Variants in THSD4 observed in about 807,000 individuals in gnomAD.
THSD4 encodes the protein thrombospondin type-1 domain-containing protein 4.
THSD4 carries 69 observed loss-of-function variants against 119.0 expected under a neutral mutation model. The ratio of observed to expected loss-of-function variants is 0.58; its 90% confidence interval spans 0.48 to 0.71. The LOEUF (loss-of-function observed/expected upper bound fraction) is 0.71, where lower values mean the gene tolerates loss of function less well. THSD4 is among the 30% of genes least tolerant of loss of function. The pLI is 0.00. For missense variants in THSD4, 1,393 were observed against 1,391.1 expected (o/e 1.00, Z -0.02); for synonymous variants, 524 against 540.4 (o/e 0.97, Z 0.42).
intron 1 of THSD4, among the ~76,000 whole-genome samples, chr15:71,118,499 A>T: frequency 6.6e-6 from 1 of 151,776 alleles, no homozygotes; most frequent in Admixed American, 6.6e-5. Flanking sequence ...CTCCCCAGCC[A>T]CTCTGAGGTT....
intron 6 of THSD4, among the ~76,000 whole-genome samples, chr15:71,406,643 GGTGTGTGTGTGTGTGTGTGTGT>G (rs56347233): frequency 2.3e-4 from 29 of 126,264 alleles, no homozygotes; most frequent in East Asian, 2.0e-3. Flanking sequence ...AGGTTTGTTT[GGTGTGTGTGTGTGTGTGTGTGT>G]GTGTGTGTGT....
At chr15:71,422,440 A>T (rs1473667351) in intron 7 of THSD4, among the ~76,000 whole-genome samples, 1 of 152,198 alleles carries the variant, frequency 6.6e-6, no homozygotes, top group Non-Finnish European at 1.5e-5. Context: ...TTGCAGACTC[A>T]TAGAGGTGCC....
At chr15:71,502,981 G>A (rs2048134122) in intron 7 of THSD4, among the ~76,000 whole-genome samples, 1 of 152,218 alleles carries the variant, frequency 6.6e-6, no homozygotes, top group African/African-American at 2.4e-5. Flanking sequence ...ATTATATAGT[G>A]TAAGTTGAAT....
chr15:71,420,130 A>G lies in THSD4; in HGVS notation c.1152+8307A>G, dbSNP rs1417195024. On this transcript the variant is annotated intron_variant, in intron 7 of 17. Transcript: ENST00000261862. The stretch of plus-strand genomic sequence containing the variant: ...TCTGTCTCTTTTTTTTAGTTTTAGT[A>G]CTATTTGCTTTATATATCTGGGTAC... 2.8e-5 allele frequency among the ~76,000 whole-genome samples: 3 copies of G among 107,398 alleles called. 1 individual carries two copies. Among genetic ancestry groups the G allele is most frequent in the African/African-American group, 9.5e-5 (3 of 31,514 alleles). 70.5% of individuals were successfully genotyped at this position (107,398 alleles called of 152,430 possible).
intron 1 of THSD4, among the ~76,000 whole-genome samples, chr15:71,104,072 T>G (rs2040264205): frequency 6.6e-6 from 1 of 152,218 alleles, no homozygotes; most frequent in African/African-American, 2.4e-5. Context: ...GGATTTATAG[T>G]TACATTTAGT....
At chr15:71,406,766 G>A (rs903537565) in intron 6 of THSD4, among the ~76,000 whole-genome samples, 1 of 150,210 alleles carries the variant, frequency 6.7e-6, no homozygotes, top group Non-Finnish European at 1.5e-5. Flanking sequence ...TGCAACCTCC[G>A]CCTCCCGAGT....
intron 7 of THSD4, among the ~76,000 whole-genome samples, chr15:71,611,316 G>T (rs1266302061): frequency 6.6e-6 from 1 of 152,170 alleles, no homozygotes; most frequent in Non-Finnish European, 1.5e-5. Flanking sequence ...AGGGTCTTGA[G>T]TGTTTCATTG....
intron 1 of THSD4, among the ~76,000 whole-genome samples, chr15:71,124,736 T>C (rs2141356062): frequency 6.6e-6 from 1 of 152,346 alleles, no homozygotes; most frequent in African/African-American, 2.4e-5. Flanking sequence ...TGTCATTCTA[T>C]TTCGTGACTT....
At chr15:71,387,619 C>T (rs542672297) in intron 6 of THSD4, among the ~76,000 whole-genome samples, 4 of 152,218 alleles carry the variant, frequency 2.6e-5, no homozygotes, top group East Asian at 3.9e-4. Flanking sequence ...CTTACTTTCC[C>T]AAAAGCTGTA....
intron 6 of THSD4, among the ~76,000 whole-genome samples, chr15:71,351,577 CA>C (rs2045744149): frequency 6.6e-6 from 1 of 152,188 alleles, no homozygotes; most frequent in African/African-American, 2.4e-5. Context: ...TTTATAACTT[CA>C]AAATATCAAA....
chr15:71,315,655 G>A (rs60015228), intron 6 of THSD4, among the ~76,000 whole-genome samples: 2,291 of 152,238 alleles, frequency 0.015, 51 homozygotes, highest in African/African-American at 0.052. Context: ...CTGAGGTGGC[G>A]GCGGGGAGGC....
chr15:71,372,001 C>G lies in THSD4; in HGVS notation c.1016-39686C>G, dbSNP rs150957437. Among the ~76,000 whole-genome samples, 22 of 152,062 alleles carry G rather than the reference C, an allele frequency of 1.4e-4. No homozygotes were observed. The East Asian group carries it at 4.2e-3, about 29-fold the overall frequency. ...TTCTTTTTACTCTTTTTTCTCTAAACTTCTCTTCTCGCTTCATTTCATTCA... is the reference window on the plus strand; with the variant it reads ...TTCTTTTTACTCTTTTTTCTCTAAAGTTCTCTTCTCGCTTCATTTCATTCA... On this transcript the variant is annotated intron_variant, in intron 6 of 17. Transcript: ENST00000261862.
At chr15:71,129,215 C>T (rs1008231888) in intron 1 of THSD4, among the ~76,000 whole-genome samples, 1 of 152,162 alleles carries the variant, frequency 6.6e-6, no homozygotes, top group Non-Finnish European at 1.5e-5. Context: ...GGAGGAAACT[C>T]GAAGTACAGG....
chr15:71,645,792 A>G (rs1462375770), intron 7 of THSD4, among the ~76,000 whole-genome samples: 5 of 152,234 alleles, frequency 3.3e-5, no homozygotes, highest in Non-Finnish European at 7.3e-5. Context: ...TGGATAAGAG[A>G]GAACTCAAAG....
chr15:71,464,132 C>T lies in THSD4; in HGVS notation c.1152+52309C>T, dbSNP rs112607572. 3.6e-3 allele frequency among the ~76,000 whole-genome samples: 548 copies of T among 152,330 alleles called. 4 individuals are homozygous for T. The highest frequency in any genetic ancestry group is 0.012 in the African/African-American group (487 of 41,576). ...TTAGCCATTTGTTTTGGCTCCATGCCATGCTTGTTTATCCCATTTTGGTTT... is the reference window on the plus strand; with the variant it reads ...TTAGCCATTTGTTTTGGCTCCATGCTATGCTTGTTTATCCCATTTTGGTTT... On this transcript the variant is annotated intron_variant, in intron 7 of 17. Coordinates refer to ENST00000261862, the MANE Select transcript of THSD4 (RefSeq NM_024817.3).
chr15:71,595,439 C>G (rs1353719219), intron 7 of THSD4, among the ~76,000 whole-genome samples: 3 of 152,152 alleles, frequency 2.0e-5, no homozygotes, highest in African/African-American at 7.2e-5. Context: ...TTTGCTTCTT[C>G]CTCATTTTTC....
chr15:71,225,850 T>G (rs921546848), intron 4 of THSD4, among the ~76,000 whole-genome samples: 8 of 152,136 alleles, frequency 5.3e-5, no homozygotes, highest in African/African-American at 1.9e-4. Context: ...CTCAAACACC[T>G]TTCCAAACAT....
At chr15:71,160,773 T>A (rs1172615296) in intron 3 of THSD4, among the ~76,000 whole-genome samples, 2 of 139,290 alleles carry the variant, frequency 1.4e-5, no homozygotes, top group African/African-American at 2.6e-5. Context: ...GATCTTAAAA[T>A]TTTTTTTTTT....
intron 6 of THSD4, among the ~76,000 whole-genome samples, chr15:71,377,260 T>G (rs1050920561): frequency 2.6e-5 from 4 of 152,156 alleles, no homozygotes; most frequent in African/African-American, 7.2e-5. Flanking sequence ...GACTTGAAAT[T>G]AACACTAAAT....
Sources: allele counts gnomAD v4.1 joint callset (sites outside exome capture counted in the v4.1 genomes callset), GRCh38; gene constraint gnomAD v4.1.1; transcripts MANE v1.5; gene names NCBI Gene and HGNC (gene_info 2026-07-23, HGNC 2026-07-21).